Variants in NCKAP5 observed in about 807,000 individuals in gnomAD.
The protein encoded by NCKAP5 is nck-associated protein 5.
A neutral mutation model predicts 167.0 loss-of-function variants in NCKAP5; 92 were observed. The observed-to-expected ratio is 0.55, with a 90% CI of 0.47 to 0.66. NCKAP5 has a LOEUF of 0.66. Ranked by LOEUF, NCKAP5 falls within the 30% of genes least tolerant of loss-of-function variation. NCKAP5 has a pLI of 0.00. For synonymous variants in NCKAP5, 891 were observed against 877.4 expected, an observed-to-expected ratio of 1.02 and a Z score of -0.27; for missense variants, 2,378 against 2,315.0, an observed-to-expected ratio of 1.03 and a Z score of -0.56.
chr2:132,763,187 T>C (rs1291005915), intron 16 of NCKAP5, among the ~76,000 whole-genome samples: 1 of 152,078 alleles, frequency 6.6e-6, no homozygotes, highest in African/African-American at 2.4e-5. Context: ...AACACATAGG[T>C]CTTGTTTTGA....
intron 8 of NCKAP5, among the ~76,000 whole-genome samples, chr2:132,887,113 G>A (rs535226950): frequency 7.2e-5 from 11 of 152,110 alleles, no homozygotes; most frequent in South Asian, 2.1e-4. Flanking sequence ...AGTATCTTGC[G>A]GCAAGGTACT....
chr2:133,650,975 C>G, the NCKAP5 span, among the ~76,000 whole-genome samples: 14 of 152,234 alleles, frequency 9.2e-5, no homozygotes, highest in East Asian at 2.1e-3. Context: ...TGGATATTCA[C>G]AGGCAAAAGA....
chr2:133,477,124 T>C (rs1192487015), intron 3 of NCKAP5, among the ~76,000 whole-genome samples: 2 of 152,208 alleles, frequency 1.3e-5, no homozygotes, highest in Non-Finnish European at 2.9e-5. Flanking sequence ...GATTAAACTA[T>C]CCTAGTCAGC....
At chr2:132,854,350 A>G (rs1462913338) in intron 11 of NCKAP5, among the ~76,000 whole-genome samples, 1 of 152,242 alleles carries the variant, frequency 6.6e-6, no homozygotes, top group African/African-American at 2.4e-5. Context: ...AAAGAATTGT[A>G]GCATACTTAC....
chr2:133,392,463 G>C (rs1687476887), intron 3 of NCKAP5, among the ~76,000 whole-genome samples: 1 of 152,174 alleles, frequency 6.6e-6, no homozygotes, highest in African/African-American at 2.4e-5. Flanking sequence ...ACATATGACT[G>C]TAGTATACGA....
At chr2:133,156,529 T>C (rs2083583774) in intron 5 of NCKAP5, among the ~76,000 whole-genome samples, 1 of 152,178 alleles carries the variant, frequency 6.6e-6, no homozygotes, top group Non-Finnish European at 1.5e-5. Context: ...ATATACAATG[T>C]TTCCAGACTC....
At chr2:132,754,957 T>C (rs1680412560) in intron 16 of NCKAP5, among the ~76,000 whole-genome samples, 2 of 152,196 alleles carry the variant, frequency 1.3e-5, no homozygotes, top group African/African-American at 2.4e-5. Context: ...GCCCATGTAT[T>C]CTCCATTTTT....
chr2:133,069,267 G>A (rs112371147), intron 6 of NCKAP5, among the ~76,000 whole-genome samples: 1,842 of 152,180 alleles, frequency 0.012, 36 homozygotes, highest in African/African-American at 0.042. Flanking sequence ...TAAAACACTG[G>A]AAAATAAAAA....
intron 3 of NCKAP5, among the ~76,000 whole-genome samples, chr2:133,467,917 C>T (rs1692727000): frequency 1.5e-5 from 2 of 130,562 alleles, no homozygotes; most frequent in African/African-American, 6.0e-5. Flanking sequence ...CTTTATTAGT[C>T]TTGCTAGCGG....
chr2:133,105,251 T>C (rs2081644802), intron 6 of NCKAP5, among the ~76,000 whole-genome samples: 1 of 152,260 alleles, frequency 6.6e-6, no homozygotes, highest in South Asian at 2.1e-4. Flanking sequence ...ATTCTTTGTT[T>C]TTAACATTCA....
intron 9 of NCKAP5, among the ~76,000 whole-genome samples, chr2:132,872,157 C>G (rs1382601686): frequency 6.6e-6 from 1 of 152,342 alleles, no homozygotes; most frequent in South Asian, 2.1e-4. Context: ...ACAAAGCTGG[C>G]AGTCCTTAAG....
the NCKAP5 span, among the ~76,000 whole-genome samples, chr2:133,634,732 A>C: frequency 1.3e-5 from 2 of 152,192 alleles, no homozygotes; most frequent in African/African-American, 4.8e-5. Flanking sequence ...ACAACCATTA[A>C]ATTTGAATTT....
chr2:133,147,126 C>T (rs570772626), intron 5 of NCKAP5, among the ~76,000 whole-genome samples: 14 of 152,230 alleles, frequency 9.2e-5, no homozygotes, highest in African/African-American at 9.6e-5. Context: ...ACCAAGTGGA[C>T]GGACAAACAC....
intron 6 of NCKAP5, among the ~76,000 whole-genome samples, chr2:132,998,966 A>AT (rs541486299): frequency 6.6e-6 from 1 of 152,214 alleles, no homozygotes; most frequent in South Asian, 2.1e-4. Flanking sequence ...AACTAAGACC[A>AT]TTTTTTCCCC....
At chr2:133,396,526 G>A (rs1212148494) in intron 3 of NCKAP5, among the ~76,000 whole-genome samples, 1 of 152,120 alleles carries the variant, frequency 6.6e-6, no homozygotes, top group East Asian at 1.9e-4. Flanking sequence ...TAGTGTATTA[G>A]TTTGCTAGGG....
intron 4 of NCKAP5, among the ~76,000 whole-genome samples, chr2:133,252,203 T>C (rs189517691): frequency 6.6e-6 from 1 of 152,220 alleles, no homozygotes; most frequent in Admixed American, 6.5e-5. Context: ...GAAGCTTGGT[T>C]TTCAGATGGG....
chr2:133,017,792 T>C (rs1378754633), intron 6 of NCKAP5, among the ~76,000 whole-genome samples: 1 of 146,138 alleles, frequency 6.8e-6, no homozygotes, highest in Admixed American at 7.0e-5. Context: ...ACAAAAGAGA[T>C]TTCCCTGGAC....
At chr2:132,831,391 G>C in intron 11 of NCKAP5, among the ~76,000 whole-genome samples, 1 of 152,164 alleles carries the variant, frequency 6.6e-6, no homozygotes, top group Non-Finnish European at 1.5e-5. Context: ...CAACAAAAGT[G>C]TAGCACCCAC....
At chr2:133,491,806 T>C (rs1336738644) in intron 3 of NCKAP5, among the ~76,000 whole-genome samples, 1 of 152,192 alleles carries the variant, frequency 6.6e-6, no homozygotes, top group African/African-American at 2.4e-5. Context: ...CAGTAGTCAC[T>C]TCCCGCAGAG....
Sources: gnomAD v4.1 joint callset for allele counts (sites outside exome capture counted in the v4.1 genomes callset) on GRCh38, gnomAD v4.1.1 for gene constraint, MANE v1.5 for transcripts, NCBI Gene and HGNC (gene_info 2026-07-23, HGNC 2026-07-21) for gene names.